Variants in PLPP4 observed in about 807,000 individuals in gnomAD.
The protein encoded by PLPP4 is phospholipid phosphatase 4, also known as diacylglycerol pyrophosphate like 2.
PLPP4 carries 20 observed loss-of-function variants against 32.2 expected under a neutral mutation model. The observed-to-expected ratio is 0.62, with a 90% CI of 0.44 to 0.90. The LOEUF is 0.90. Ranked by LOEUF, PLPP4 falls within the 40% of genes least tolerant of loss-of-function variation. The probability of loss-of-function intolerance (pLI) is 0.00; values close to 1 mark genes in which losing one functional copy is unlikely to be tolerated. For synonymous variants in PLPP4, 127 were observed against 133.0 expected (o/e 0.95, Z 0.31); for missense variants, 257 against 353.1 (o/e 0.73, Z 2.18).
intron 5 of PLPP4, among the ~76,000 whole-genome samples, chr10:120,537,001 A>G (rs1847062065): frequency 6.6e-6 from 1 of 152,212 alleles, no homozygotes; most frequent in African/African-American, 2.4e-5. Flanking sequence ...GTCATCACAC[A>G]TCTGTTAGGA....
At chr10:120,548,805 T>C (rs915957956) in intron 5 of PLPP4, among the ~76,000 whole-genome samples, 5 of 152,166 alleles carry the variant, frequency 3.3e-5, no homozygotes, top group African/African-American at 1.2e-4. Flanking sequence ...GTGGCTTTGA[T>C]TTGCATTTCT....
At chr10:120,579,093 T>G (rs984933746) in intron 6 of PLPP4, among the ~76,000 whole-genome samples, 1 of 152,218 alleles carries the variant, frequency 6.6e-6, no homozygotes, top group African/African-American at 2.4e-5. Context: ...GTGGCAGGAA[T>G]GTGGTGTTTG....
intron 1 of PLPP4, among the ~76,000 whole-genome samples, chr10:120,489,984 C>A (rs1490364933): frequency 6.6e-6 from 1 of 152,224 alleles, no homozygotes; most frequent in Non-Finnish European, 1.5e-5. Flanking sequence ...CACAAGCAGA[C>A]AAGAATGCCT....
chr10:120,577,938 A>G (rs938817618), intron 6 of PLPP4, among the ~76,000 whole-genome samples: 1 of 152,186 alleles, frequency 6.6e-6, no homozygotes, highest in African/African-American at 2.4e-5. Context: ...CAATGTCTCT[A>G]GACATCTTCT....
chr10:120,577,534 G>C (rs1053462605), intron 6 of PLPP4, among the ~76,000 whole-genome samples: 1 of 152,160 alleles, frequency 6.6e-6, no homozygotes, highest in Non-Finnish European at 1.5e-5. Flanking sequence ...CTTTGAAACC[G>C]TACTATCCAA....
At chr10:120,552,448 TG>T (rs1847955444) in intron 5 of PLPP4, among the ~76,000 whole-genome samples, 1 of 152,192 alleles carries the variant, frequency 6.6e-6, no homozygotes, top group South Asian at 2.1e-4. Context: ...AGTTGGAATC[TG>T]ATTTGATTCT....
chr10:120,491,405 AC>A (rs1198638224), intron 1 of PLPP4, among the ~76,000 whole-genome samples: 3 of 152,108 alleles, frequency 2.0e-5, no homozygotes, highest in East Asian at 1.9e-4. Flanking sequence ...AGCACCTTTA[AC>A]CTGAGCATTT....
intron 5 of PLPP4, among the ~76,000 whole-genome samples, chr10:120,526,818 C>T (rs934354521): frequency 9.9e-5 from 15 of 152,156 alleles, no homozygotes. Context: ...ATAGTTCACC[C>T]CCTGCCTTCT....
chr10:120,475,324 C>T (rs1843850867), intron 1 of PLPP4, among the ~76,000 whole-genome samples: 1 of 152,084 alleles, frequency 6.6e-6, no homozygotes, highest in African/African-American at 2.4e-5. Flanking sequence ...CAGAGCTGGG[C>T]CCAGCACCTC....
chr10:120,526,612 A>C (rs1846403968), intron 5 of PLPP4, among the ~76,000 whole-genome samples: 1 of 151,832 alleles, frequency 6.6e-6, no homozygotes, highest in Non-Finnish European at 1.5e-5. Flanking sequence ...TCATCTCCCT[A>C]TTTTCCATCT....
chr10:120,564,833 A>G (rs1240705359), intron 5 of PLPP4, among the ~76,000 whole-genome samples: 1 of 151,906 alleles, frequency 6.6e-6, no homozygotes, highest in African/African-American at 2.4e-5. Context: ...TGTGCCCTAT[A>G]TTTTATGTAT....
intron 6 of PLPP4, among the ~76,000 whole-genome samples, chr10:120,576,528 G>C (rs80321193): frequency 0.017 from 2,567 of 152,272 alleles, 80 homozygotes; most frequent in African/African-American, 0.059. Context: ...AGCTTCTCCT[G>C]TTCCTTCCTG....
At chr10:120,516,939 AC>A (rs1390749962) in intron 3 of PLPP4, among the ~76,000 whole-genome samples, 1 of 152,200 alleles carries the variant, frequency 6.6e-6, no homozygotes, top group Non-Finnish European at 1.5e-5. Context: ...AAATATCATC[AC>A]CAGCTTCCTA....
At chr10:120,586,262 G>A (rs1267186025) in intron 6 of PLPP4, among the ~76,000 whole-genome samples, 1 of 150,378 alleles carries the variant, frequency 6.6e-6, no homozygotes, top group South Asian at 2.1e-4. Flanking sequence ...AGCCTCCAGA[G>A]TAGCTGAGAT....
intron 5 of PLPP4, among the ~76,000 whole-genome samples, chr10:120,571,612 T>G (rs1251674656): frequency 6.6e-6 from 1 of 152,206 alleles, no homozygotes; most frequent in Non-Finnish European, 1.5e-5. Flanking sequence ...AATCTGAGCC[T>G]TGATGATTTA....
chr10:120,575,801 A>G (rs747496644), intron 6 of PLPP4, among the ~76,000 whole-genome samples: 12 of 152,204 alleles, frequency 7.9e-5, no homozygotes, highest in Non-Finnish European at 1.5e-4. Context: ...GCCTATATAT[A>G]TACATATATC....
At chr10:120,458,895 A>C (rs1432921953) in intron 1 of PLPP4, among the ~76,000 whole-genome samples, 1 of 152,228 alleles carries the variant, frequency 6.6e-6, no homozygotes, top group Admixed American at 6.5e-5. Context: ...GCACAGTAGA[A>C]TTTAACATTT....
At chr10:120,472,438 T>C (rs1006935798) in intron 1 of PLPP4, among the ~76,000 whole-genome samples, 1 of 152,160 alleles carries the variant, frequency 6.6e-6, no homozygotes, top group African/African-American at 2.4e-5. Context: ...TTGTTTCTGA[T>C]GATAAGTCAG....
chr10:120,535,892 T>C (rs945258197), intron 5 of PLPP4, among the ~76,000 whole-genome samples: 4 of 152,136 alleles, frequency 2.6e-5, no homozygotes, highest in Non-Finnish European at 5.9e-5. Context: ...TTTATTACTG[T>C]TTCAAATTAC....
Sources: gnomAD v4.1 joint callset for allele counts (sites outside exome capture counted in the v4.1 genomes callset) on GRCh38, gnomAD v4.1.1 for gene constraint, MANE v1.5 for transcripts, NCBI Gene and HGNC (gene_info 2026-07-23, HGNC 2026-07-21) for gene names.